The following MSRA variants were observed in gnomAD, a reference collection of about 807,000 sequenced individuals.
MSRA encodes methionine sulfoxide reductase A, also known as mitochondrial peptide methionine sulfoxide reductase.
A neutral mutation model predicts 31.3 loss-of-function variants in MSRA; 54 were observed. The observed-to-expected ratio is 1.73, with a 90% confidence interval of 1.39 to 2.17. MSRA has a LOEUF of 2.17. Among genes scored for constraint, MSRA ranks in the 30% most tolerant of loss-of-function variants. The pLI is 0.00. For synonymous variants in MSRA, 169 were observed against 116.5 expected (o/e 1.45, Z -2.90); for missense variants, 507 against 300.9 (o/e 1.69, Z -5.07).
At chr8:10,159,118 T>C (rs1210041942) in intron 1 of MSRA, among the ~76,000 whole-genome samples, 1 of 152,078 alleles carries the variant, frequency 6.6e-6, no homozygotes, top group Non-Finnish European at 1.5e-5. Context: ...CAGGCCAAGG[T>C]AGTGGCAGTA....
chr8:10,184,607 A>G (rs568794527), intron 1 of MSRA, among the ~76,000 whole-genome samples: 11 of 152,260 alleles, frequency 7.2e-5, no homozygotes, highest in African/African-American at 2.6e-4. Flanking sequence ...ATGAAGGCAT[A>G]TTAAAAACAA....
At chr8:10,237,886 T>C (rs1440441865) in intron 2 of MSRA, among the ~76,000 whole-genome samples, 1 of 152,232 alleles carries the variant, frequency 6.6e-6, no homozygotes, top group Admixed American at 6.5e-5. Context: ...AGCCATAGTT[T>C]CTTAACCATT....
chr8:10,259,818 C>T (rs1238625035), intron 3 of MSRA, among the ~76,000 whole-genome samples: 5 of 152,178 alleles, frequency 3.3e-5, no homozygotes, highest in African/African-American at 1.2e-4. Flanking sequence ...GCTGGGGCTG[C>T]TGCTCCTCTC....
intron 1 of MSRA, among the ~76,000 whole-genome samples, chr8:10,111,698 T>C (rs1800298174): frequency 6.6e-6 from 1 of 152,220 alleles, no homozygotes; most frequent in Non-Finnish European, 1.5e-5. Flanking sequence ...TAGTATTGCA[T>C]GAGAAGAGCA....
intron 1 of MSRA, among the ~76,000 whole-genome samples, chr8:10,106,313 C>G (rs370976841): frequency 4.6e-5 from 7 of 152,180 alleles, no homozygotes; most frequent in Non-Finnish European, 1.0e-4. Context: ...CTCCCTTCAG[C>G]ATATAGGAAC....
At chr8:10,087,624 G>C (rs569321760) in intron 1 of MSRA, among the ~76,000 whole-genome samples, 1 of 152,270 alleles carries the variant, frequency 6.6e-6, no homozygotes, top group African/African-American at 2.4e-5. Context: ...CCGTGGGCTA[G>C]GTAGGTCTGT....
chr8:10,315,198 C>T (rs537872258), intron 4 of MSRA, among the ~76,000 whole-genome samples: 15 of 152,270 alleles, frequency 9.9e-5, no homozygotes, highest in African/African-American at 3.1e-4. Flanking sequence ...TCCCATGACA[C>T]GTGGGGATTA....
intron 2 of MSRA, among the ~76,000 whole-genome samples, chr8:10,211,927 C>T (rs954787390): frequency 3.3e-5 from 5 of 151,914 alleles, no homozygotes; most frequent in African/African-American, 7.3e-5. Flanking sequence ...GGTAATTTCA[C>T]GAGAAAATCA....
chr8:10,067,712 C>T (rs1276255374), intron 1 of MSRA, among the ~76,000 whole-genome samples: 1 of 152,118 alleles, frequency 6.6e-6, no homozygotes, highest in Non-Finnish European at 1.5e-5. Flanking sequence ...TTTAGCTATT[C>T]CACAGACATT....
At chr8:10,150,397 T>A (rs771011366) in intron 1 of MSRA, among the ~76,000 whole-genome samples, 1 of 152,240 alleles carries the variant, frequency 6.6e-6, no homozygotes, top group African/African-American at 2.4e-5. Flanking sequence ...TTACTATTGC[T>A]GCATTATATT....
At chr8:10,159,190 G>C (rs763307160) in intron 1 of MSRA, among the ~76,000 whole-genome samples, 2 of 152,200 alleles carry the variant, frequency 1.3e-5, no homozygotes, top group African/African-American at 2.4e-5. Context: ...AAGAATTTGT[G>C]ATTGGTCAGA....
chr8:10,247,094 C>T (rs77778926), intron 3 of MSRA, among the ~76,000 whole-genome samples: 1 of 152,162 alleles, frequency 6.6e-6, no homozygotes, highest in African/African-American at 2.4e-5. Flanking sequence ...TTGCTCGAAC[C>T]CTTTTCAGTT....
intron 1 of MSRA, among the ~76,000 whole-genome samples, chr8:10,174,336 G>C (rs943171867): frequency 6.6e-6 from 1 of 152,162 alleles, no homozygotes; most frequent in Non-Finnish European, 1.5e-5. Flanking sequence ...ATGGCGTGCA[G>C]GTGAGCGAAG....
At chr8:10,372,406 G>A (rs1245375288) in intron 5 of MSRA, among the ~76,000 whole-genome samples, 3 of 152,200 alleles carry the variant, frequency 2.0e-5, no homozygotes, top group Admixed American at 6.5e-5. Context: ...GAAGCGTATT[G>A]CAGTTATAAA....
chr8:10,141,039 G>A lies in MSRA; in HGVS notation c.143-66794G>A, dbSNP rs147037017. 6.6e-3 allele frequency among the ~76,000 whole-genome samples: 1,009 copies of A among 152,306 alleles called. 7 individuals are homozygous for A. The highest frequency in any genetic ancestry group is 0.01 in the Non-Finnish European group (698 of 68,030). ...AAATACTGGTGTAACATAAGAAAAG[G>A]TGATGGGCAGATGCAGTGAGTTGTA... On this transcript the variant is annotated intron_variant, in intron 1 of 5. Coordinates refer to ENST00000317173, the MANE Select transcript of MSRA (RefSeq NM_012331.5).
chr8:10,094,509 A>G (rs998028941), intron 1 of MSRA, among the ~76,000 whole-genome samples: 3 of 152,246 alleles, frequency 2.0e-5, no homozygotes, highest in Admixed American at 6.5e-5. Context: ...GAAGTCACTG[A>G]TTTTCATAAG....
intron 1 of MSRA, among the ~76,000 whole-genome samples, chr8:10,161,319 G>A (rs1804625776): frequency 6.6e-6 from 1 of 152,228 alleles, no homozygotes; most frequent in South Asian, 2.1e-4. Context: ...TGTTTTTGCT[G>A]TTTCCTTGGG....
chr8:10,283,832 T>TACACACACACACAC (rs1338639680), intron 3 of MSRA, among the ~76,000 whole-genome samples: 16 of 65,324 alleles, frequency 2.4e-4, no homozygotes, highest in Non-Finnish European at 4.8e-4. Flanking sequence ...TATATATATA[T>TACACACACACACAC]ATATACACAC....
rs149096063 is a variant in MSRA at position 10,180,776 on chromosome 8, A to G, written c.143-27057A>G. 7.7e-4 allele frequency among the ~76,000 whole-genome samples: 117 copies of G among 152,306 alleles called. 2 individuals are homozygous for G. In the East Asian group the frequency reaches 0.015, roughly 20 times the overall value. ...CAGACACTGTTGGAAATTGTGGTTT[A>G]GTTTACTTCAGTTGTTGCACCGAAG... On this transcript the variant is annotated intron_variant, in intron 1 of 5. Coordinates refer to ENST00000317173, the MANE Select transcript of MSRA (RefSeq NM_012331.5).
Sources: allele counts gnomAD v4.1 joint callset (sites outside exome capture counted in the v4.1 genomes callset), GRCh38; gene constraint gnomAD v4.1.1; transcripts MANE v1.5; gene names NCBI Gene and HGNC (gene_info 2026-07-23, HGNC 2026-07-21).